The following HMGXB4 variants were observed in gnomAD, a reference collection of about 807,000 sequenced individuals.
HMGXB4 encodes the protein HMG-box containing 4.
Under a neutral mutation model 63.9 loss-of-function variants are expected in HMGXB4, and 27 were observed. That is an observed-to-expected ratio of 0.42 (90% CI 0.31 to 0.58). HMGXB4 has a LOEUF of 0.58. Among genes scored for constraint, HMGXB4 ranks in the 20% least tolerant of loss-of-function variants. The pLI, the probability that HMGXB4 is intolerant of heterozygous loss-of-function variation, is 0.13. For missense variants in HMGXB4, 624 were observed against 700.7 expected (o/e 0.89, Z 1.24); for synonymous variants, 264 against 265.3 (o/e 0.99, Z 0.05).
chr22:35,285,672 GCCA>G (rs1215018877), intron 6 of HMGXB4, among the ~76,000 whole-genome samples: 2 of 152,204 alleles, frequency 1.3e-5, no homozygotes, highest in Non-Finnish European at 2.9e-5. Context: ...GCTGCTGTGA[GCCA>G]TGATCACACC....
chr22:35,260,952 A>AT (rs758827835), intron 1 of HMGXB4, among the ~76,000 whole-genome samples: 1 of 152,244 alleles, frequency 6.6e-6, no homozygotes, highest in Non-Finnish European at 1.5e-5. Flanking sequence ...GTAATGTGTC[A>AT]TTTAAGTGTC....
chr22:35,274,454 C>T (rs1260019603), intron 5 of HMGXB4, among the ~76,000 whole-genome samples: 1 of 152,198 alleles, frequency 6.6e-6, no homozygotes, highest in Non-Finnish European at 1.5e-5. Flanking sequence ...TGGCAAAGCA[C>T]AATCCTAACA....
chr22:35,278,641 A>T (rs1219843391), intron 5 of HMGXB4, among the ~76,000 whole-genome samples: 9 of 139,998 alleles, frequency 6.4e-5, no homozygotes, highest in Non-Finnish European at 7.9e-5. Context: ...AATTTTATGT[A>T]TTTTTTTTTA....
chr22:35,288,451 T>C (rs1924727002), intron 9 of HMGXB4, 44 bp downstream of exon 9: 3 of 1,451,964 alleles, frequency 2.1e-6, no homozygotes, highest in South Asian at 2.9e-5. Flanking sequence ...TCCCATATAG[T>C]TTCCCATATA....
At chr22:35,245,973 G>A in the HMGXB4 span, among the ~76,000 whole-genome samples, 3 of 152,144 alleles carry the variant, frequency 2.0e-5, no homozygotes, top group Admixed American at 2.0e-4. Context: ...GGCCTCCTCT[G>A]ACACCACCCC....
In HMGXB4 at chr22:35,265,565, A is replaced by C; in HGVS notation, c.1177A>C (p.Lys393Gln). 1 of 1,595,398 alleles carries C rather than the reference A, an allele frequency of 6.3e-7. No homozygotes were observed. The highest frequency in any genetic ancestry group is 1.4e-5 in the African/African-American group (1 of 73,392). The change falls in exon 5 of 11, where the codon AAA (lysine) becomes CAA (glutamine). Residue 393 changes from lysine (K) to glutamine (Q), a missense_variant. Around this residue, in one of 2 missense-constraint regions of HMGXB4, gnomAD observed 472 missense variants for 470.6 expected, o/e 1.00. Transcript: ENST00000216106. ...TDGHSEKKKK[K>Q]EEKDKERERG... ...TGGGCATAGTGAAAAAAAAAAGAAA[A>C]AAGAAGAGAAGGACAAAGAGAGAGA...
intron 9 of HMGXB4, among the ~76,000 whole-genome samples, chr22:35,291,768 T>C (rs1378724191): frequency 1.3e-5 from 2 of 152,184 alleles, no homozygotes; most frequent in Admixed American, 6.5e-5. Flanking sequence ...TACAGAAGAA[T>C]AAACAGACTT....
At chr22:35,286,347 G>C (rs1924575415) in intron 7 of HMGXB4, among the ~76,000 whole-genome samples, 1 of 152,216 alleles carries the variant, frequency 6.6e-6, no homozygotes, top group African/African-American at 2.4e-5. Context: ...AGTGTTAAAA[G>C]AAAGTCTAAA....
chr22:35,262,499 G>A, intron 2 of HMGXB4, 78 bp downstream of exon 2: 1 of 1,408,322 alleles, frequency 7.1e-7, no homozygotes, highest in Non-Finnish European at 1.0e-6. Flanking sequence ...ATAGAGACCA[G>A]GACTGGGCAC....
At chr22:35,282,303 A>T (rs1489251296) in intron 5 of HMGXB4, among the ~76,000 whole-genome samples, 1 of 152,138 alleles carries the variant, frequency 6.6e-6, no homozygotes, top group East Asian at 1.9e-4. Flanking sequence ...CAGCCTCCCG[A>T]GTAGCTGGGA....
At chr22:35,261,704 T>C (rs1922868253) in intron 1 of HMGXB4, 1 of 152,182 alleles carries the variant, frequency 6.6e-6, no homozygotes, top group Non-Finnish European at 1.5e-5. Context: ...ACAGCTGTCA[T>C]ATGGTCAACT....
chr22:35,253,144 A>AAAAAAAAAAAAAAAAAAAAAAAAAAAG (rs11282400), upstream of HMGXB4, among the ~76,000 whole-genome samples: 23 of 125,328 alleles, frequency 1.8e-4, no homozygotes, highest in African/African-American at 5.1e-4. Flanking sequence ...AAAAAAAAAA[A>AAAAAAAAAAAAAAAAAAAAAAAAAAAG]AAAAAAGAAA....
intron 9 of HMGXB4, among the ~76,000 whole-genome samples, chr22:35,291,002 T>A (rs1924900448): frequency 6.6e-6 from 1 of 152,184 alleles, no homozygotes; most frequent in Admixed American, 6.5e-5. Context: ...TGTTGCTTGT[T>A]CCTGTAATCC....
At chr22:35,292,557 A>G (rs767986094) in intron 9 of HMGXB4, among the ~76,000 whole-genome samples, 2 of 152,266 alleles carry the variant, frequency 1.3e-5, no homozygotes, top group Non-Finnish European at 2.9e-5. Flanking sequence ...AAAATTGTAT[A>G]ATCAGCTATC....
intron 5 of HMGXB4, among the ~76,000 whole-genome samples, chr22:35,274,822 T>A (rs1923811620): frequency 6.6e-6 from 1 of 152,222 alleles, no homozygotes; most frequent in Non-Finnish European, 1.5e-5. Context: ...CTTACTTATC[T>A]GCTGGTTTTC....
Position 35,294,616 on chromosome 22 carries a change from C to CT in HMGXB4, c.*966dup, listed in dbSNP as rs1925149361. 1 of 152,494 alleles carries CT rather than the reference C, an allele frequency of 6.6e-6. No individual in the cohort carries two copies. The highest frequency in any genetic ancestry group is 2.4e-5 in the African/African-American group (1 of 41,400). The allele number at this position is 152,494 out of a possible 1,614,324, so 9.4% of individuals were successfully genotyped here. ...TTGCAAAAACAAAACAAAACTCACTCTCTTGTAGGTTTATTTATGTGTGTG... is the reference window on the plus strand; with the variant it reads ...TTGCAAAAACAAAACAAAACTCACTCTTCTTGTAGGTTTATTTATGTGTGTG... On this transcript the variant is annotated 3_prime_UTR_variant, in exon 11 of 11. Transcript: ENST00000216106.
At chr22:35,286,317 C>T (rs946635380) in intron 7 of HMGXB4, among the ~76,000 whole-genome samples, 1 of 152,136 alleles carries the variant, frequency 6.6e-6, no homozygotes, top group African/African-American at 2.4e-5. Context: ...AAAAGATGAC[C>T]TAAGTTGAGG....
At chr22:35,277,874 T>C (rs978602508) in intron 5 of HMGXB4, among the ~76,000 whole-genome samples, 1 of 151,998 alleles carries the variant, frequency 6.6e-6, no homozygotes, top group African/African-American at 2.4e-5. Context: ...TCACCCAGAG[T>C]CCATAGTTTA....
chr22:35,265,679 T>A, intron 5 of HMGXB4, 76 bp downstream of exon 5: 1 of 1,447,046 alleles, frequency 6.9e-7, no homozygotes, highest in Non-Finnish European at 9.1e-7. Flanking sequence ...ACTTTTAAGT[T>A]AAGCAGTTGA....
Sources: allele counts gnomAD v4.1 joint callset (sites outside exome capture counted in the v4.1 genomes callset), GRCh38; gene constraint gnomAD v4.1.1; regional missense constraint gnomAD v4.1.1; transcripts MANE v1.5; gene names NCBI Gene and HGNC (gene_info 2026-07-23, HGNC 2026-07-21).